TAFA1: variants seen among roughly 807,000 people sequenced by gnomAD.
TAFA1 encodes chemokine-like protein TAFA-1.
In TAFA1, 4 loss-of-function variants were observed where a neutral mutation model predicts 18.5. The ratio of observed to expected loss-of-function variants is 0.22; its 90% confidence interval spans 0.11 to 0.49. The LOEUF (loss-of-function observed/expected upper bound fraction) is 0.49, where lower values mean the gene tolerates loss of function less well. Among genes scored for constraint, TAFA1 ranks in the 20% least tolerant of loss-of-function variants. The probability of loss-of-function intolerance (pLI) is 0.98; values close to 1 mark genes in which losing one functional copy is unlikely to be tolerated. For missense variants in TAFA1, 147 were observed against 169.0 expected (o/e 0.87, Z 0.72); for synonymous variants, 56 against 55.2 (o/e 1.01, Z -0.06).
At chr3:68,065,736 G>GTATA (rs1411031830) in intron 2 of TAFA1, among the ~76,000 whole-genome samples, 1 of 135,512 alleles carries the variant, frequency 7.4e-6, no homozygotes, top group African/African-American at 2.8e-5. Flanking sequence ...GTATGTGTGT[G>GTATA]TGTGTATATA....
intron 3 of TAFA1, among the ~76,000 whole-genome samples, chr3:68,489,635 C>T (rs1223937615): frequency 6.6e-6 from 1 of 152,138 alleles, no homozygotes; most frequent in Non-Finnish European, 1.5e-5. Flanking sequence ...ACTGTGTTGA[C>T]ATTTGCATTA....
chr3:68,426,512 A>T (rs13069343), intron 3 of TAFA1, among the ~76,000 whole-genome samples: 33,814 of 151,834 alleles, frequency 0.22, 4,082 homozygotes, highest in East Asian at 0.44. Context: ...CATGGAAAAA[A>T]TGCTTACCGT....
At chr3:68,313,981 C>T (rs1249367671) in intron 2 of TAFA1, among the ~76,000 whole-genome samples, 1 of 152,030 alleles carries the variant, frequency 6.6e-6, no homozygotes, top group Non-Finnish European at 1.5e-5. Flanking sequence ...AAAAAGGAAT[C>T]CTTTTTTTTC....
intron 3 of TAFA1, among the ~76,000 whole-genome samples, chr3:68,433,494 T>C (rs1428366231): frequency 6.6e-6 from 1 of 152,122 alleles, no homozygotes; most frequent in Admixed American, 6.6e-5. Context: ...ATTCCCACTT[T>C]AAATTACATT....
At chr3:68,433,774 T>C (rs935016607) in intron 3 of TAFA1, among the ~76,000 whole-genome samples, 2 of 152,156 alleles carry the variant, frequency 1.3e-5, no homozygotes, top group Admixed American at 1.3e-4. Context: ...TTGAGAATTA[T>C]ATAAGAAATG....
chr3:68,388,661 C>T (rs567110965), intron 2 of TAFA1, among the ~76,000 whole-genome samples: 1 of 152,188 alleles, frequency 6.6e-6, no homozygotes, highest in South Asian at 2.1e-4. Flanking sequence ...TTTGTTTTGT[C>T]ATACGCTTTC....
chr3:68,182,065 G>T (rs1471474484), intron 2 of TAFA1, among the ~76,000 whole-genome samples: 3 of 152,064 alleles, frequency 2.0e-5, no homozygotes, highest in Non-Finnish European at 4.4e-5. Flanking sequence ...AACATTAGCT[G>T]GGTGTGGGTG....
At chr3:68,458,081 A>C (rs2071699641) in intron 3 of TAFA1, among the ~76,000 whole-genome samples, 2 of 152,064 alleles carry the variant, frequency 1.3e-5, no homozygotes, top group Admixed American at 1.3e-4. Flanking sequence ...TGCTGAGGAG[A>C]GGCTTGGTGG....
chr3:68,437,365 G>A (rs1250000096), intron 3 of TAFA1, among the ~76,000 whole-genome samples: 2 of 152,070 alleles, frequency 1.3e-5, no homozygotes, highest in Non-Finnish European at 1.5e-5. Flanking sequence ...ATTTTCTTAT[G>A]GACTTTCTTA....
chr3:68,010,775 T>G (rs1268421881), intron 2 of TAFA1, among the ~76,000 whole-genome samples: 1 of 152,192 alleles, frequency 6.6e-6, no homozygotes, highest in East Asian at 1.9e-4. Context: ...AATTTAATAT[T>G]TGGCTGGATC....
At chr3:68,392,120 A>G (rs922562937) in intron 2 of TAFA1, among the ~76,000 whole-genome samples, 3 of 150,346 alleles carry the variant, frequency 2.0e-5, no homozygotes. Context: ...GTCCGATCTC[A>G]TGTGCAAAGA....
chr3:68,416,327 T>A (rs1257734156), intron 2 of TAFA1, among the ~76,000 whole-genome samples: 1 of 152,210 alleles, frequency 6.6e-6, no homozygotes, highest in African/African-American at 2.4e-5. Context: ...ATCCATATAG[T>A]TTATCACACA....
intron 3 of TAFA1, among the ~76,000 whole-genome samples, chr3:68,459,985 C>T (rs538063655): frequency 2.6e-5 from 4 of 152,188 alleles, no homozygotes; most frequent in Middle Eastern, 3.4e-3. Context: ...GTGTTAAGGC[C>T]GTTTATTGAG....
chr3:68,363,111 A>C (rs998462974), intron 2 of TAFA1, among the ~76,000 whole-genome samples: 1 of 151,008 alleles, frequency 6.6e-6, no homozygotes, highest in Non-Finnish European at 1.5e-5. Flanking sequence ...TCTTTCCACT[A>C]GTTTATGATT....
intron 2 of TAFA1, among the ~76,000 whole-genome samples, chr3:68,184,027 T>C (rs1404339469): frequency 2.0e-5 from 3 of 152,154 alleles, no homozygotes; most frequent in African/African-American, 7.2e-5. Context: ...ATCTGTAACC[T>C]GAACAAAAAA....
chr3:68,289,032 G>A (rs376111640), intron 2 of TAFA1, among the ~76,000 whole-genome samples: 2 of 152,152 alleles, frequency 1.3e-5, no homozygotes, highest in East Asian at 3.8e-4. Context: ...TTATTGAAGT[G>A]AAAACCACAT....
intron 2 of TAFA1, among the ~76,000 whole-genome samples, chr3:68,405,316 TAAAG>T (rs1394918386): frequency 6.6e-6 from 1 of 151,824 alleles, no homozygotes; most frequent in Non-Finnish European, 1.5e-5. Flanking sequence ...ATAAATGTTA[TAAAG>T]AAACATAGAA....
At chr3:68,396,248 A>T (rs1306705914) in intron 2 of TAFA1, among the ~76,000 whole-genome samples, 1 of 152,136 alleles carries the variant, frequency 6.6e-6, no homozygotes, top group Non-Finnish European at 1.5e-5. Context: ...ATATATACTG[A>T]TATAAACAGA....
At chr3:68,083,874 G>A (rs1011160244) in intron 2 of TAFA1, among the ~76,000 whole-genome samples, 1 of 151,798 alleles carries the variant, frequency 6.6e-6, no homozygotes, top group African/African-American at 2.4e-5. Context: ...CACATATCTT[G>A]TTAGTGTCCC....
Sources: allele counts gnomAD v4.1 joint callset (sites outside exome capture counted in the v4.1 genomes callset), GRCh38; gene constraint gnomAD v4.1.1; transcripts MANE v1.5; gene names NCBI Gene and HGNC (gene_info 2026-07-23, HGNC 2026-07-21).